NOTCH4: variants seen among roughly 807,000 people sequenced by gnomAD.
NOTCH4 encodes neurogenic locus notch homolog protein 4.
Under a neutral mutation model 189.0 loss-of-function variants are expected in NOTCH4, and 138 were observed. The ratio of observed to expected loss-of-function variants is 0.73; its 90% CI spans 0.64 to 0.84. NOTCH4 has a LOEUF of 0.84. Among genes scored for constraint, NOTCH4 ranks in the 40% least tolerant of loss-of-function variants. The probability of loss-of-function intolerance (pLI) is 0.00; values close to 1 mark genes in which losing one functional copy is unlikely to be tolerated. For missense variants in NOTCH4, 2,286 were observed against 2,605.4 expected (o/e 0.88, Z 2.67); for synonymous variants, 942 against 1,032.8 (o/e 0.91, Z 1.69).
At position 32,212,614 on chromosome 6, in the gene NOTCH4, A is replaced by G. The variant is rs2127477599; in HGVS notation, c.2540T>C (p.Leu847Ser). ...TGGSCQTLMD[L>S]CAQKPCPRNS... is the part of the protein sequence containing the mutation. ...GCGTGGGCAGGGCTTCTGGGCACAT[A>G]AGTCCATCAGAGTCTGAGGGGTGGG... is the stretch of plus-strand genomic sequence containing the variant. The change falls in exon 17 of 30, where the codon TTA (leucine) becomes TCA (serine). Residue 847 changes from leucine (L) to serine (S), a missense_variant. Around this residue, in one of 2 missense-constraint regions of NOTCH4, gnomAD observed 1,903 missense variants for 2,261.9 expected, o/e 0.84. Transcript: ENST00000375023. This position sits in a 1 kb window ranked among gnomAD's most constrained non-coding sequence, Gnocchi z 4.4. 2.5e-6 allele frequency: 4 copies of G among 1,611,712 alleles called. No homozygotes were observed. The highest frequency in any genetic ancestry group is 3.4e-6 in the Non-Finnish European group (4 of 1,179,196).
In NOTCH4 at chr6:32,217,196, C is replaced by G. The variant is rs772294262; in HGVS notation, c.1695G>C (p.Gln565His). The G allele has an allele frequency of 6.2e-7, 1 of 1,613,002 alleles. No homozygotes were observed. The highest frequency in any genetic ancestry group is 8.5e-7 in the Non-Finnish European group (1 of 1,180,034). ...GGAAGGCTCCAGGCTGGTCCTGGCA[C>G]TGCCCACCATTGGCACAGGGAGAGC... ...CRSSPCANGGQCQDQPGAFHC... is the reference protein window; with the variant it reads ...CRSSPCANGGHCQDQPGAFHC... The change falls in exon 10 of 30, where the codon CAG (glutamine) becomes CAC (histidine). Residue 565 changes from glutamine to histidine, a missense_variant. Transcript: ENST00000375023. This position sits in a 1 kb window ranked among gnomAD's most constrained non-coding sequence, Gnocchi z 4.2.
Position 32,198,167 on chromosome 6 carries a change from G to A in NOTCH4, c.4756+254C>T, listed in dbSNP as rs1371141345. ...AGTCTGGATCAGATTCACCTGAAGG[G>A]CTTGTTAAAACAGATTGCCTAACAT... On this transcript the variant is annotated intron_variant, in intron 26 of 29. Transcript: ENST00000375023. The surrounding 1 kb of genome is among the most constrained non-coding windows in gnomAD (Gnocchi z 5.5). 1.3e-5 allele frequency among the ~76,000 whole-genome samples: 2 copies of A among 152,210 alleles called. No individual in the cohort carries two copies. The highest frequency in any genetic ancestry group is 4.8e-5 in the African/African-American group (2 of 41,446).
Position 32,202,571 on chromosome 6 carries a change from C to G in NOTCH4, c.3260G>C (p.Arg1087Thr), listed in dbSNP as rs2127467731. Reference protein sequence around the residue: ...KGFEGPTCSHRAPSCGFHHCH... With the variant: ...KGFEGPTCSHTAPSCGFHHCH... ...GTGATGGAAGCCGCAGGAAGGGGCC[C>G]TGTGGCTGCAGGTGGGGCCTTCAAA... Residue 1087 changes from arginine to threonine, a missense_variant, in exon 21 of 30, where the codon AGG (arginine) becomes ACG (threonine). This residue lies in a region of NOTCH4 where 1,903 missense variants were observed against 2,261.9 expected (regional missense o/e 0.84). Transcript: ENST00000375023. This position sits in a 1 kb window ranked among gnomAD's most constrained non-coding sequence, Gnocchi z 5.7. 1 of 1,596,482 alleles carries G rather than the reference C, an allele frequency of 6.3e-7. No homozygotes were observed. The highest frequency in any genetic ancestry group is 8.6e-7 in the Non-Finnish European group (1 of 1,167,342).
chr6:32,223,445 C>T (rs1392976649), intron 1 of NOTCH4, among the ~76,000 whole-genome samples: 1 of 152,092 alleles, frequency 6.6e-6, no homozygotes, highest in Non-Finnish European at 1.5e-5. Flanking sequence ...AGCATTGAGC[C>T]ATCCGGGGGG....
Position 32,220,589 on chromosome 6 carries a change from G to A in NOTCH4, c.975C>T (p.His325=), listed in dbSNP as rs1789694716. The A allele has an allele frequency of 6.2e-7, 1 of 1,614,028 alleles. No homozygotes were observed. Among genetic ancestry groups the A allele is most frequent in the South Asian group, 1.1e-5 (1 of 91,078 alleles). The part of the protein sequence containing the change: ...VDECETQGPP[H]CRNGGTCQNS... ...TCTGGCAGGTGCCCCCGTTTCTGCA[G>A]TGAGGGGGACCCTGGGTCTCACACT... is the stretch of plus-strand genomic sequence containing the variant. The change falls in exon 6 of 30, where the codon CAC becomes CAT. Residue 325 remains histidine (H), a synonymous_variant. Coordinates refer to ENST00000375023, the MANE Select transcript of NOTCH4 (RefSeq NM_004557.4).
chr6:32,207,358 T>A (rs1788746263), intron 18 of NOTCH4, among the ~76,000 whole-genome samples: 1 of 149,520 alleles, frequency 6.7e-6, no homozygotes, highest in Non-Finnish European at 1.5e-5. Context: ...GCGGGGTGGC[T>A]CACGCCTGTA....
In NOTCH4 at chr6:32,198,389, T is replaced by C; in HGVS notation, c.4756+32A>G. 3.2e-6 allele frequency: 5 copies of C among 1,577,404 alleles called. No homozygotes were observed. Among genetic ancestry groups the C allele is most frequent in the Non-Finnish European group, 4.3e-6 (5 of 1,167,812 alleles). ...TTCTAATAGGGTCAAAGGACTTTTTTTTTTTTTCTTGGTCTGGGTTGACTC... is the reference window on the plus strand; with the variant it reads ...TTCTAATAGGGTCAAAGGACTTTTTCTTTTTTTCTTGGTCTGGGTTGACTC... On this transcript the variant is annotated intron_variant, in intron 26 of 29. Coordinates refer to ENST00000375023, the MANE Select transcript of NOTCH4 (RefSeq NM_004557.4). The surrounding 1 kb of genome is among the most constrained non-coding windows in gnomAD (Gnocchi z 5.5).
intron 11 of NOTCH4, 137 bp downstream of exon 11, chr6:32,216,808 A>G (rs917570941): frequency 9.1e-7 from 1 of 1,099,430 alleles, no homozygotes; most frequent in East Asian, 2.4e-5. Flanking sequence ...TGCAGGTTTT[A>G]CACTAAATAA....
At chr6:32,219,818 G>A (rs1222019681) in intron 7 of NOTCH4, 32 bp from the exon 8 acceptor site, 26 of 1,582,280 alleles carry the variant, frequency 1.6e-5, no homozygotes, top group Non-Finnish European at 2.2e-5. Flanking sequence ...GAGTCCACAG[G>A]GGTCAGGGCA....
In NOTCH4 at chr6:32,212,924, G is replaced by A. The variant is rs777216374; in HGVS notation, c.2439-13C>T. ...ATTCCTACAGGGGCTGAACAAGACA[G>A]AGACAGGGCATGATAGGAAGAAGTT... is the stretch of plus-strand genomic sequence containing the variant. On this transcript the variant is annotated splice_polypyrimidine_tract_variant and intron_variant, in intron 15 of 29. Transcript: ENST00000375023. This position sits in a 1 kb window ranked among gnomAD's most constrained non-coding sequence, Gnocchi z 4.4. 27 of 1,564,362 alleles carry A rather than the reference G, an allele frequency of 1.7e-5. No individual in the cohort carries two copies. The highest frequency in any genetic ancestry group is 3.3e-4 in the Middle Eastern group (2 of 5,978).
chr6:32,223,804 T>C, intron 1 of NOTCH4, 52 bp downstream of exon 1: 6 of 1,562,168 alleles, frequency 3.8e-6, no homozygotes, highest in Non-Finnish European at 5.2e-6. Flanking sequence ...ACCCCACTGA[T>C]CATCCTCCTA....
rs1788138059 is a variant in NOTCH4 at position 32,198,731 on chromosome 6, C to T, written c.4536-1G>A. On this transcript the variant is annotated splice_acceptor_variant, in intron 24 of 29. Transcript: ENST00000375023. LOFTEE classifies it high-confidence loss of function. The surrounding 1 kb of genome is among the most constrained non-coding windows in gnomAD (Gnocchi z 5.5). ...AACTTCTGCCTTTGGCTTCAGTGCC[C>T]TGGAAAGGAATGGGTGGGTAGAGGT... The T allele has an allele frequency of 1.2e-6, 2 of 1,609,606 alleles. No individual in the cohort carries two copies. The highest frequency in any genetic ancestry group is 1.7e-6 in the Non-Finnish European group (2 of 1,178,348).
Position 32,200,777 on chromosome 6 carries a change from C to T in NOTCH4, c.4315+54G>A. 1.4e-6 allele frequency: 2 copies of T among 1,447,050 alleles called. No individual in the cohort carries two copies. Among genetic ancestry groups the T allele is most frequent in the East Asian group, 2.4e-5 (1 of 41,082 alleles). The allele number at this position is 1,447,050 out of a possible 1,614,324, so 89.6% of individuals were successfully genotyped here. A position where few individuals can be genotyped will look rare whatever the true frequency, so the allele number is the denominator to read the frequency against. Reference sequence around the variant, plus strand: ...TTCAGCCTCCATTGCCTGTTGCTAGCATGAGAGCTGGCCTGGGAACAGAGG... The same window carrying T: ...TTCAGCCTCCATTGCCTGTTGCTAGTATGAGAGCTGGCCTGGGAACAGAGG... On this transcript the variant is annotated intron_variant, in intron 23 of 29. Transcript: ENST00000375023. This position sits in a 1 kb window ranked among gnomAD's most constrained non-coding sequence, Gnocchi z 5.0.
rs143991041 is a variant in NOTCH4, at chr6:32,197,042, C to T, written c.5083G>A (p.Asp1695Asn). 295 of 1,612,752 alleles carry T rather than the reference C, an allele frequency of 1.8e-4. 1 individual carries two copies. The African/African-American group carries it at 3.4e-3, about 19-fold the overall frequency. ...GTGGTCCCGTCCTCTGTGCGAGCGT[C>T]CACTGCAGTTTGTCTGCTACGGAGC... The part of the protein sequence containing the change: ...LLLRSRQTAV[D>N]ARTEDGTTPL... Residue 1695 changes from aspartate (D) to asparagine (N), a missense_variant, in exon 28 of 30, where the codon GAC (aspartate) becomes AAC (asparagine). Asp to Asn is a conservative substitution (Grantham distance 23). Coordinates refer to ENST00000375023, the MANE Select transcript of NOTCH4 (RefSeq NM_004557.4).
chr6:32,198,856 C>G lies in NOTCH4; in HGVS notation c.4535+70G>C, dbSNP rs1026631631. On this transcript the variant is annotated intron_variant, in intron 24 of 29. Transcript: ENST00000375023. This position sits in a 1 kb window ranked among gnomAD's most constrained non-coding sequence, Gnocchi z 5.5. Reference sequence around the variant, plus strand: ...TGACTTCTGCAATAGTATTTCTTATCTTTTCTGATTGTAAATATCGCCATA... The same window carrying G: ...TGACTTCTGCAATAGTATTTCTTATGTTTTCTGATTGTAAATATCGCCATA... 1.0e-5 allele frequency: 15 copies of G among 1,462,880 alleles called. No homozygotes were observed. The Admixed American group carries it at 1.8e-4, about 17-fold the overall frequency. 90.6% of individuals were successfully genotyped at this position (1,462,880 alleles called of 1,614,324 possible). A position where few individuals can be genotyped will look rare whatever the true frequency, so the allele number is the denominator to read the frequency against.
chr6:32,195,080 G>T lies in NOTCH4; in HGVS notation c.*357C>A. 1 of 295,314 alleles carries T rather than the reference G, an allele frequency of 3.4e-6. No homozygotes were observed. The highest frequency in any genetic ancestry group is 6.3e-6 in the Non-Finnish European group (1 of 157,650). The allele number at this position is 295,314 out of a possible 1,614,324, so 18.3% of individuals were successfully genotyped here. ...CCATTTGTGGGCAGTGGGGACAATG[G>T]ATCATAGGGGCACCCTTTGGAAACC... On this transcript the variant is annotated 3_prime_UTR_variant, in exon 30 of 30. Coordinates refer to ENST00000375023, the MANE Select transcript of NOTCH4 (RefSeq NM_004557.4). This position sits in a 1 kb window ranked among gnomAD's most constrained non-coding sequence, Gnocchi z 5.4.
chr6:32,200,966 G>T lies in NOTCH4; in HGVS notation c.4180C>A (p.Pro1394Thr). The T allele has an allele frequency of 6.3e-7, 1 of 1,595,738 alleles. No homozygotes were observed. The highest frequency in any genetic ancestry group is 8.5e-7 in the Non-Finnish European group (1 of 1,171,348). ...GGACAGCGGGATGCCGGGTGGTCAG[G>T]GCCACAGCGGGACAAATCCACACCC... is the stretch of plus-strand genomic sequence containing the variant. ...VMGVDLSRCG[P>T]DHPASRCPWD... is the part of the protein sequence containing the mutation. Residue 1394 changes from proline (P) to threonine (T), a missense_variant, in exon 23 of 30, where the codon CCT (proline) becomes ACT (threonine). This residue lies in a region of NOTCH4 where 1,903 missense variants were observed against 2,261.9 expected (regional missense o/e 0.84). Transcript: ENST00000375023. This position sits in a 1 kb window ranked among gnomAD's most constrained non-coding sequence, Gnocchi z 5.0.
chr6:32,224,066 C>T lies in NOTCH4; in HGVS notation c.-138G>A, dbSNP rs529749355. 4.4e-5 allele frequency: 38 copies of T among 866,332 alleles called. 1 individual carries two copies. In the South Asian group the frequency reaches 7.0e-4, roughly 16 times the overall value. 53.7% of individuals were successfully genotyped at this position (866,332 alleles called of 1,614,324 possible). ...CCTCGGCCTGCTGCAAGCCTCACGTCTGAGCTGTTTCCTGAGTCACACAAT... is the reference window on the plus strand; with the variant it reads ...CCTCGGCCTGCTGCAAGCCTCACGTTTGAGCTGTTTCCTGAGTCACACAAT... On this transcript the variant is annotated 5_prime_UTR_variant, in exon 1 of 30. Coordinates refer to ENST00000375023, the MANE Select transcript of NOTCH4 (RefSeq NM_004557.4).
Position 32,222,672 on chromosome 6 carries a change from A to G in NOTCH4, c.290T>C (p.Leu97Ser). 1 of 1,604,148 alleles carries G rather than the reference A, an allele frequency of 6.2e-7. No homozygotes were observed. The highest frequency in any genetic ancestry group is 8.5e-7 in the Non-Finnish European group (1 of 1,177,286). The change falls in exon 3 of 30, where the codon TTG becomes TCG. Residue 97 changes from leucine to serine, a missense_variant. By Grantham distance (145) the Leu-to-Ser change is moderately radical. This residue lies in a region of NOTCH4 where 1,903 missense variants were observed against 2,261.9 expected (regional missense o/e 0.84). Coordinates refer to ENST00000375023, the MANE Select transcript of NOTCH4 (RefSeq NM_004557.4). ...GCAAGTGCACAAGAAGCTGGGTGTC[A>G]ATGGAGAGGGAGAGCTGGGGAGCCC... is the stretch of plus-strand genomic sequence containing the variant. ...PLGLPSSPSP[L>S]TPSFLCTCLP...
Sources: gnomAD v4.1 joint callset for allele counts (sites outside exome capture counted in the v4.1 genomes callset) on GRCh38, gnomAD v4.1.1 for gene constraint, gnomAD v4.1.1 regional missense constraint, Gnocchi (gnomAD v3.1) non-coding constraint, MANE v1.5 for transcripts, NCBI Gene and HGNC (gene_info 2026-07-23, HGNC 2026-07-21) for gene names.